Variants in PLPP7 observed in about 807,000 individuals in gnomAD.
PLPP7 encodes the protein inactive phospholipid phosphatase 7.
In PLPP7, 11 loss-of-function variants were observed where a neutral mutation model predicts 16.9. The observed-to-expected ratio is 0.65, with a 90% CI of 0.41 to 1.08. PLPP7 has a LOEUF of 1.08. PLPP7 is among the 50% of genes least tolerant of loss of function. The probability of loss-of-function intolerance (pLI) is 0.00; values close to 1 mark genes in which losing one functional copy is unlikely to be tolerated. For synonymous variants in PLPP7, 174 were observed against 175.1 expected, an observed-to-expected ratio of 0.99 and a Z score of 0.05; for missense variants, 358 against 397.1, an observed-to-expected ratio of 0.90 and a Z score of 0.84.
chr9:131,298,084 C>T (rs547954773), intron 1 of PLPP7, among the ~76,000 whole-genome samples: 9 of 152,164 alleles, frequency 5.9e-5, no homozygotes, highest in East Asian at 5.8e-4. Context: ...GGTCGTTTCA[C>T]GTTTTTCGGT....
At chr9:131,303,863 C>A (rs559681291) in intron 1 of PLPP7, among the ~76,000 whole-genome samples, 1 of 152,278 alleles carries the variant, frequency 6.6e-6, no homozygotes, top group South Asian at 2.1e-4. Context: ...GGTCACACAG[C>A]TGGGAGGCTC....
At chr9:131,291,848 C>G (rs939649387) in intron 1 of PLPP7, among the ~76,000 whole-genome samples, 1 of 152,202 alleles carries the variant, frequency 6.6e-6, no homozygotes, top group African/African-American at 2.4e-5. Flanking sequence ...TCCCAAAGTG[C>G]TGGGATTATA....
At position 131,294,876 on chromosome 9, in the gene PLPP7, G is replaced by C. The variant is rs115223307; in HGVS notation, c.451+4428G>C. Among the ~76,000 whole-genome samples the C allele has an allele frequency of 2.6e-5, 4 of 151,958 alleles. No homozygotes were observed. The East Asian group carries it at 7.8e-4, about 30-fold the overall frequency. ...CTCCCAAACTGCTGGGATTATAGGC[G>C]TGAGGTGATCCACCCACCTTGGCCT... On this transcript the variant is annotated intron_variant, in intron 1 of 1. Transcript: ENST00000372264.
At chr9:131,301,260 C>T (rs550362116) in intron 1 of PLPP7, among the ~76,000 whole-genome samples, 14 of 152,310 alleles carry the variant, frequency 9.2e-5, no homozygotes, top group South Asian at 6.2e-4. Context: ...TGAGCCACCG[C>T]GCTGGCCTCG....
intron 1 of PLPP7, among the ~76,000 whole-genome samples, chr9:131,298,344 C>G (rs1357978033): frequency 1.3e-5 from 2 of 152,160 alleles, no homozygotes; most frequent in Non-Finnish European, 2.9e-5. Context: ...GATTGACTTC[C>G]CAGCCCAGGA....
rs760395583 is a variant in PLPP7 at position 131,307,976 on chromosome 9, C to T, written c.505C>T (p.Arg169Cys). The part of the protein sequence containing the change: ...VAGVQKLIKR[R>C]GPYETSPSLL... ...CGGCGTGCAGAAGCTCATCAAGCGG[C>T]GCGGCCCGTACGAGACGAGCCCCAG... The change falls in exon 2 of 2, where the codon CGC becomes TGC. Residue 169 changes from arginine (R) to cysteine (C), a missense_variant. Arg to Cys is a radical substitution (Grantham distance 180). Coordinates refer to ENST00000372264, the MANE Select transcript of PLPP7 (RefSeq NM_032728.4). 5.6e-6 allele frequency: 9 copies of T among 1,599,492 alleles called. No individual in the cohort carries two copies. Among genetic ancestry groups the T allele is most frequent in the Admixed American group, 3.3e-5 (2 of 59,968 alleles).
intron 1 of PLPP7, among the ~76,000 whole-genome samples, chr9:131,301,047 C>A (rs1405651037): frequency 6.6e-6 from 1 of 152,172 alleles, no homozygotes; most frequent in African/African-American, 2.4e-5. Flanking sequence ...CAGCTCACTG[C>A]AACGTCCATC....
chr9:131,295,001 G>A lies in PLPP7; in HGVS notation c.451+4553G>A, dbSNP rs898953410. Among the ~76,000 whole-genome samples, 3 of 151,220 alleles carry A rather than the reference G, an allele frequency of 2.0e-5. No homozygotes were observed. Among genetic ancestry groups the A allele is most frequent in the African/African-American group, 7.3e-5 (3 of 41,266 alleles). On this transcript the variant is annotated intron_variant, in intron 1 of 1. Transcript: ENST00000372264. This position sits in a 1 kb window ranked among gnomAD's most constrained non-coding sequence, Gnocchi z 4.0. ...GGAATCTCACTCTGTCTCCAGGCTG[G>A]AGTGCAGTGGTGTGATCTTGGCTCA...
chr9:131,308,370 G>T lies in PLPP7; in HGVS notation c.*83G>T. Reference sequence around the variant, plus strand: ...GGGGGTGGCGAGGTGGCGGGCGTGGGTGGAACAGAGCGGCCAGGAGTCAGA... The same window carrying T: ...GGGGGTGGCGAGGTGGCGGGCGTGGTTGGAACAGAGCGGCCAGGAGTCAGA... On this transcript the variant is annotated 3_prime_UTR_variant, in exon 2 of 2. Coordinates refer to ENST00000372264, the MANE Select transcript of PLPP7 (RefSeq NM_032728.4). 1.4e-6 allele frequency: 2 copies of T among 1,469,730 alleles called. No homozygotes were observed. Among genetic ancestry groups the T allele is most frequent in the South Asian group, 1.4e-5 (1 of 72,846 alleles). 91.0% of individuals were successfully genotyped at this position (1,469,730 alleles called of 1,614,324 possible). A position where few individuals can be genotyped will look rare whatever the true frequency, so the allele number is the denominator to read the frequency against.
At chr9:131,300,225 C>T (rs1245682134) in intron 1 of PLPP7, among the ~76,000 whole-genome samples, 5 of 152,336 alleles carry the variant, frequency 3.3e-5, no homozygotes, top group Non-Finnish European at 2.9e-5. Flanking sequence ...CACACTCACC[C>T]TTTCGTCAGG....
rs945016882 is a variant in PLPP7 at position 131,308,158 on chromosome 9, C to A, written c.687C>A (p.Arg229=). 6.2e-7 allele frequency: 1 copy of A among 1,600,564 alleles called. No homozygotes were observed. Among genetic ancestry groups the A allele is most frequent in the Admixed American group, 1.7e-5 (1 of 60,018 alleles). Residue 229 remains arginine (R), a synonymous_variant, in exon 2 of 2, where the codon CGC becomes CGA. Transcript: ENST00000372264. ...GGGCCCTCTGCGTGGGCCTGTCCCG[C>A]GTGATGATCGGCCGCCACCACGTCA... ...VLWALCVGLS[R]VMIGRHHVTD... is the part of the protein sequence containing the mutation.
chr9:131,306,750 G>A lies in PLPP7; in HGVS notation c.452-1173G>A, dbSNP rs550536503. 5.9e-5 allele frequency among the ~76,000 whole-genome samples: 9 copies of A among 152,280 alleles called. No individual in the cohort carries two copies. The East Asian group carries it at 1.7e-3, about 29-fold the overall frequency. On this transcript the variant is annotated intron_variant, in intron 1 of 1. Coordinates refer to ENST00000372264, the MANE Select transcript of PLPP7 (RefSeq NM_032728.4). ...CAAATCCTCTAGAGGAAAGCAGATT[G>A]GTGGTGTCCCAGGGGCTGGAGAGAA...
chr9:131,300,689 G>GAAAAA (rs1165239833), intron 1 of PLPP7, among the ~76,000 whole-genome samples: 3 of 40,352 alleles, frequency 7.4e-5, no homozygotes, highest in Admixed American at 2.6e-4. Context: ...CTCAAAAGCA[G>GAAAAA]AAAAAAAAAA....
chr9:131,293,073 T>C (rs1356741956), intron 1 of PLPP7: 3 of 621,294 alleles, frequency 4.8e-6, no homozygotes, highest in Non-Finnish European at 6.0e-6. Flanking sequence ...GTCGATGACC[T>C]TTCAAGGTAA....
chr9:131,292,135 G>T (rs796920438), intron 1 of PLPP7, among the ~76,000 whole-genome samples: 2 of 152,202 alleles, frequency 1.3e-5, no homozygotes, highest in African/African-American at 4.8e-5. Flanking sequence ...CAAAGTGGCC[G>T]AGGCACTAGG....
At position 131,290,702 on chromosome 9, in the gene PLPP7, C is replaced by A. The variant is rs1026928823; in HGVS notation, c.451+254C>A. 1.1e-4 allele frequency among the ~76,000 whole-genome samples: 16 copies of A among 152,194 alleles called. No individual in the cohort carries two copies. The highest frequency in any genetic ancestry group is 3.9e-4 in the African/African-American group (16 of 41,446). On this transcript the variant is annotated intron_variant, in intron 1 of 1. Coordinates refer to ENST00000372264, the MANE Select transcript of PLPP7 (RefSeq NM_032728.4). The surrounding 1 kb of genome is among the most constrained non-coding windows in gnomAD (Gnocchi z 4.2). The stretch of plus-strand genomic sequence containing the variant: ...GGCCATTGCGGCCCTGTGAGAAGGA[C>A]CTGCTCAGCAAAAGGCACCGCTGCC...
chr9:131,302,110 C>T (rs542794769), intron 1 of PLPP7, among the ~76,000 whole-genome samples: 1 of 152,126 alleles, frequency 6.6e-6, no homozygotes, highest in Non-Finnish European at 1.5e-5. Context: ...TGAGCCACTG[C>T]GCCCGGCCAG....
At chr9:131,294,603 A>G (rs753834591) in intron 1 of PLPP7, among the ~76,000 whole-genome samples, 3 of 152,134 alleles carry the variant, frequency 2.0e-5, no homozygotes, top group Non-Finnish European at 4.4e-5. Context: ...TGTGGTGGGA[A>G]ATGCCTCTGG....
rs1443909180 is a variant in PLPP7, at chr9:131,295,549, T to C, written c.451+5101T>C. Reference sequence around the variant, plus strand: ...ATTTGAAGTGTACAGTTCAGTGGCATTGAGTCCATTCACACTGTTGTGCAG... The same window carrying C: ...ATTTGAAGTGTACAGTTCAGTGGCACTGAGTCCATTCACACTGTTGTGCAG... On this transcript the variant is annotated intron_variant, in intron 1 of 1. Transcript: ENST00000372264. This position sits in a 1 kb window ranked among gnomAD's most constrained non-coding sequence, Gnocchi z 4.0. Among the ~76,000 whole-genome samples, 3 of 152,198 alleles carry C rather than the reference T, an allele frequency of 2.0e-5. No individual in the cohort carries two copies. Among genetic ancestry groups the C allele is most frequent in the Non-Finnish European group, 4.4e-5 (3 of 68,038 alleles).
Sources: allele counts gnomAD v4.1 joint callset (sites outside exome capture counted in the v4.1 genomes callset), GRCh38; gene constraint gnomAD v4.1.1; non-coding constraint Gnocchi (gnomAD v3.1); transcripts MANE v1.5; gene names NCBI Gene and HGNC (gene_info 2026-07-23, HGNC 2026-07-21).